The following TAF4 variants were observed in gnomAD, a reference collection of about 807,000 sequenced individuals.
The protein encoded by TAF4 is transcription initiation factor TFIID subunit 4.
In TAF4, 9 loss-of-function variants were observed where a neutral mutation model predicts 90.3. That is an observed-to-expected ratio of 0.10 (90% confidence interval 0.06 to 0.17). TAF4 has a LOEUF of 0.17. Ranked by LOEUF, TAF4 falls within the 10% of genes least tolerant of loss-of-function variation. The probability of loss-of-function intolerance (pLI) is 1.00; values close to 1 mark genes in which losing one functional copy is unlikely to be tolerated. For missense variants in TAF4, 1,351 were observed against 1,370.7 expected (o/e 0.99, Z 0.23); for synonymous variants, 818 against 638.9 (o/e 1.28, Z -4.23).
At chr20:62,000,313 C>T (rs1568927237) in intron 10 of TAF4, 59 bp from the exon 11 acceptor site, 9 of 1,580,422 alleles carry the variant, frequency 5.7e-6, no homozygotes, top group Admixed American at 1.7e-5. Flanking sequence ...TCTTTCTTTA[C>T]GGCTAATCTC....
intron 1 of TAF4, among the ~76,000 whole-genome samples, chr20:62,062,463 G>C (rs962404858): frequency 3.3e-5 from 5 of 151,854 alleles, no homozygotes; most frequent in Non-Finnish European, 7.4e-5. Flanking sequence ...CTCATCAGTA[G>C]ATCAACTGCA....
At chr20:61,996,999 A>G (rs1475243515) in intron 14 of TAF4, among the ~76,000 whole-genome samples, 1 of 152,154 alleles carries the variant, frequency 6.6e-6, no homozygotes, top group Admixed American at 6.5e-5. Flanking sequence ...GAAACATAAA[A>G]GACCGTTTTC....
At chr20:62,013,353 G>A (rs957251739) in intron 2 of TAF4, among the ~76,000 whole-genome samples, 4 of 152,230 alleles carry the variant, frequency 2.6e-5, no homozygotes, top group African/African-American at 9.6e-5. Flanking sequence ...GGGAAGGAAG[G>A]TGGCTGCCCA....
intron 1 of TAF4, among the ~76,000 whole-genome samples, chr20:62,028,375 G>C (rs1022549547): frequency 6.6e-6 from 1 of 152,056 alleles, no homozygotes; most frequent in Admixed American, 6.5e-5. Flanking sequence ...GAAAAACATG[G>C]GTCAAACTTC....
chr20:62,008,861 C>A (rs1456868555), intron 5 of TAF4, 191 bp downstream of exon 5: 5 of 649,336 alleles, frequency 7.7e-6, no homozygotes, highest in Non-Finnish European at 1.2e-5. Context: ...CACCCAGCCC[C>A]AGGAAGGAGT....
At chr20:62,051,863 CCACCCGTGAGGAACCTG>C (rs2056029975) in intron 1 of TAF4, among the ~76,000 whole-genome samples, 1 of 152,172 alleles carries the variant, frequency 6.6e-6, no homozygotes, top group African/African-American at 2.4e-5. Context: ...ACAAACAGAT[CCACCCGTGAGGAACCTG>C]CACCCACAGG....
In TAF4 at chr20:62,004,328, C is replaced by CTTTTTTTTT. The variant is rs60437230; in HGVS notation, c.2224-459_2224-451dup. ...TGAATTTTCTTTTTTCTTTTCTTTTCTTTTTTTTTTTTTTTTTGAGACAAG... is the reference window on the plus strand; with the variant it reads ...TGAATTTTCTTTTTTCTTTTCTTTTCTTTTTTTTTTTTTTTTTTTTTTTTTTGAGACAAG... On this transcript the variant is annotated intron_variant, in intron 7 of 14. Transcript: ENST00000252996. Among the ~76,000 whole-genome samples, 62 of 117,202 alleles carry CTTTTTTTTT rather than the reference C, an allele frequency of 5.3e-4. 8 individuals are homozygous for CTTTTTTTTT. Among genetic ancestry groups the CTTTTTTTTT allele is most frequent in the Non-Finnish European group, 6.2e-4 (36 of 58,438 alleles). 76.9% of individuals were successfully genotyped at this position (117,202 alleles called of 152,430 possible).
In TAF4 at chr20:62,000,267, C is replaced by A. The variant is rs1323982091; in HGVS notation, c.2657-13G>T. The A allele has an allele frequency of 1.6e-5, 25 of 1,610,636 alleles. No individual in the cohort carries two copies. Among genetic ancestry groups the A allele is most frequent in the African/African-American group, 2.7e-5 (2 of 74,656 alleles). On this transcript the variant is annotated splice_polypyrimidine_tract_variant and intron_variant, in intron 10 of 14. Coordinates refer to ENST00000252996, the MANE Select transcript of TAF4 (RefSeq NM_003185.4). Reference sequence around the variant, plus strand: ...CCATGTTTTTTACCTAAAGGTCAGGCAAGAAAAACAGTATTTTAAAATCAT... The same window carrying A: ...CCATGTTTTTTACCTAAAGGTCAGGAAAGAAAAACAGTATTTTAAAATCAT...
At chr20:62,000,849 C>A in intron 9 of TAF4, 128 bp from the exon 10 acceptor site, 2 of 914,896 alleles carry the variant, frequency 2.2e-6, no homozygotes, top group Non-Finnish European at 3.3e-6. Context: ...CTGTCCTCCC[C>A]GCACCTGCAC....
intron 1 of TAF4, among the ~76,000 whole-genome samples, chr20:62,051,833 G>A (rs1268415690): frequency 6.6e-6 from 1 of 152,198 alleles, no homozygotes; most frequent in African/African-American, 2.4e-5. Flanking sequence ...GGCGTCCCGG[G>A]TAGCAGGGAT....
chr20:62,000,507 A>G (rs2055692866), intron 10 of TAF4, 45 bp downstream of exon 10: 1 of 1,588,508 alleles, frequency 6.3e-7, no homozygotes, highest in Non-Finnish European at 8.6e-7. Context: ...ATGCCCCAGC[A>G]GCGCAGCTGT....
intron 14 of TAF4, chr20:61,981,448 T>C (rs2055540519): frequency 6.6e-6 from 1 of 151,956 alleles, no homozygotes; most frequent in Non-Finnish European, 1.5e-5. Flanking sequence ...ATAAAAACCA[T>C]AAAATTACAA....
At chr20:62,018,097 G>A (rs999175302) in intron 1 of TAF4, among the ~76,000 whole-genome samples, 6 of 152,186 alleles carry the variant, frequency 3.9e-5, no homozygotes, top group Admixed American at 6.5e-5. Flanking sequence ...CAGGTACAAC[G>A]TAGCTTCTCG....
chr20:61,997,546 G>A lies in TAF4; in HGVS notation c.3090+4C>T, dbSNP rs754427623. 1.4e-5 allele frequency: 22 copies of A among 1,588,920 alleles called. No individual in the cohort carries two copies. Among genetic ancestry groups the A allele is most frequent in the Middle Eastern group, 1.8e-4 (1 of 5,668 alleles). ...AGGACCTCGATCCCACAACACTGCC[G>A]TACCTCTGCTCCTGAGCCCGGCCCC... On this transcript the variant is annotated splice_donor_region_variant and intron_variant, in intron 14 of 14. Transcript: ENST00000252996.
At chr20:62,052,267 G>A (rs956590209) in intron 1 of TAF4, among the ~76,000 whole-genome samples, 1 of 119,196 alleles carries the variant, frequency 8.4e-6, no homozygotes, top group Non-Finnish European at 1.7e-5. Flanking sequence ...AACTCCCACC[G>A]ACCCGAAGCA....
At position 62,014,570 on chromosome 20, in the gene TAF4, G is replaced by C. The variant is rs2055802369; in HGVS notation, c.1498C>G (p.Pro500Ala). 2.5e-6 allele frequency: 4 copies of C among 1,613,516 alleles called. No homozygotes were observed. Among genetic ancestry groups the C allele is most frequent in the African/African-American group, 1.3e-5 (1 of 75,010 alleles). ...ACCTGTACGGTGGAGATCTGGACGG[G>C]AGGGGCACTTGTGGGGGTGGCAGGG... is the stretch of plus-strand genomic sequence containing the variant. Reference protein sequence around the residue: ...PRPATPTSAPPVQISTVQAPG... With the variant: ...PRPATPTSAPAVQISTVQAPG... Residue 500 changes from proline (P) to alanine (A), a missense_variant, in exon 2 of 15, where the codon CCC becomes GCC. This residue lies in a region of TAF4 where 143 missense variants were observed against 176.3 expected (regional missense o/e 0.81). Transcript: ENST00000252996.
intron 1 of TAF4, among the ~76,000 whole-genome samples, chr20:62,040,664 A>C (rs1568939832): frequency 6.6e-6 from 1 of 152,264 alleles, no homozygotes; most frequent in Non-Finnish European, 1.5e-5. Flanking sequence ...CCACTAGAAT[A>C]GGCAAAACAG....
chr20:62,035,771 G>T (rs955069218), intron 1 of TAF4, among the ~76,000 whole-genome samples: 4 of 152,120 alleles, frequency 2.6e-5, no homozygotes, highest in Non-Finnish European at 4.4e-5. Context: ...GAAAAGATCA[G>T]ATATAAACTG....
At chr20:62,021,658 G>C (rs1051271795) in intron 1 of TAF4, among the ~76,000 whole-genome samples, 1 of 152,258 alleles carries the variant, frequency 6.6e-6, no homozygotes, top group Non-Finnish European at 1.5e-5. Context: ...TGTACAGGCA[G>C]GGCCATGTGG....
Sources: gnomAD v4.1 joint callset for allele counts (sites outside exome capture counted in the v4.1 genomes callset) on GRCh38, gnomAD v4.1.1 for gene constraint, gnomAD v4.1.1 regional missense constraint, MANE v1.5 for transcripts, NCBI Gene and HGNC (gene_info 2026-07-23, HGNC 2026-07-21) for gene names.